MIPOL1: variants seen among roughly 807,000 people sequenced by gnomAD.
MIPOL1 encodes the protein mirror-image polydactyly 1.
Under a neutral mutation model 60.9 loss-of-function variants are expected in MIPOL1, and 57 were observed. That is an observed-to-expected ratio of 0.94 (90% confidence interval 0.76 to 1.17). The LOEUF (loss-of-function observed/expected upper bound fraction) is 1.17, where lower values mean the gene tolerates loss of function less well. MIPOL1 is among the 50% of genes most tolerant of loss of function. The probability of loss-of-function intolerance (pLI) is 0.00; values close to 1 mark genes in which losing one functional copy is unlikely to be tolerated. For synonymous variants in MIPOL1, 179 were observed against 168.8 expected, an observed-to-expected ratio of 1.06 and a Z score of -0.47; for missense variants, 551 against 511.6, an observed-to-expected ratio of 1.08 and a Z score of -0.74.
At chr14:37,388,866 T>G (rs1349950751) in intron 10 of MIPOL1, among the ~76,000 whole-genome samples, 2 of 152,084 alleles carry the variant, frequency 1.3e-5, no homozygotes, top group Non-Finnish European at 2.9e-5. Context: ...CCCCAAAACT[T>G]TTGTTCTGTA....
At chr14:37,345,160 C>T (rs985864334) in intron 9 of MIPOL1, among the ~76,000 whole-genome samples, 3 of 152,072 alleles carry the variant, frequency 2.0e-5, no homozygotes, top group Non-Finnish European at 4.4e-5. Flanking sequence ...TACAGTCATA[C>T]AGACTGGAGT....
chr14:37,253,659 C>T (rs530544198), intron 3 of MIPOL1, among the ~76,000 whole-genome samples: 1 of 151,594 alleles, frequency 6.6e-6, no homozygotes, highest in Non-Finnish European at 1.5e-5. Flanking sequence ...ATTATGAATC[C>T]TTAATAACAG....
In MIPOL1 at chr14:37,250,031, C is replaced by G. The variant is rs1041983512; in HGVS notation, c.19+2124C>G. ...ATCAGGAAGGATGTCAAGGAAGGAGCTGATGAAGCTCTGGGATACTTATGA... is the reference window on the plus strand; with the variant it reads ...ATCAGGAAGGATGTCAAGGAAGGAGGTGATGAAGCTCTGGGATACTTATGA... On this transcript the variant is annotated intron_variant, in intron 3 of 12. Coordinates refer to ENST00000684589, the MANE Select transcript of MIPOL1 (RefSeq NM_001388067.1). 5.9e-5 allele frequency among the ~76,000 whole-genome samples: 9 copies of G among 152,160 alleles called. No individual in the cohort carries two copies. The East Asian group carries it at 1.7e-3, about 29-fold the overall frequency.
intron 11 of MIPOL1, among the ~76,000 whole-genome samples, chr14:37,481,774 A>G (rs1423011396): frequency 1.3e-5 from 2 of 152,176 alleles, no homozygotes; most frequent in Non-Finnish European, 2.9e-5. Flanking sequence ...GAGCCCAGAA[A>G]TGAACGCTCA....
At chr14:37,417,403 CAGAG>C (rs2093789890) in intron 10 of MIPOL1, among the ~76,000 whole-genome samples, 1 of 152,146 alleles carries the variant, frequency 6.6e-6, no homozygotes, top group Admixed American at 6.5e-5. Flanking sequence ...GTCTGATAAA[CAGAG>C]AGACATGACA....
rs544383835 is a variant in MIPOL1 at position 37,250,276 on chromosome 14, G to A, written c.19+2369G>A. 3.3e-5 allele frequency among the ~76,000 whole-genome samples: 5 copies of A among 152,208 alleles called. No individual in the cohort carries two copies. In the East Asian group the frequency reaches 7.7e-4, roughly 24 times the overall value. On this transcript the variant is annotated intron_variant, in intron 3 of 12. Transcript: ENST00000684589. ...CATTATTAGGAAAAAGGTCAGATGC[G>A]GTGGCTTATGCCTGTAATCCCAGCA...
At chr14:37,426,594 T>TATATATATATACACAC (rs1447990257) in intron 11 of MIPOL1, among the ~76,000 whole-genome samples, 1 of 125,434 alleles carries the variant, frequency 8.0e-6, no homozygotes, top group African/African-American at 3.0e-5. Flanking sequence ...TATATATATA[T>TATATATATATACACAC]ACACACACAC....
At chr14:37,443,762 A>AAG (rs1332914951) in intron 11 of MIPOL1, among the ~76,000 whole-genome samples, 1 of 144,062 alleles carries the variant, frequency 6.9e-6, no homozygotes, top group East Asian at 2.2e-4. Context: ...AAAAAAAAAA[A>AAG]AAAACCTCTA....
intron 1 of MIPOL1, among the ~76,000 whole-genome samples, chr14:37,208,048 G>A (rs2139235594): frequency 6.6e-6 from 1 of 152,194 alleles, no homozygotes; most frequent in South Asian, 2.1e-4. Context: ...CCTTAGATCT[G>A]CTTTAGGCTG....
intron 11 of MIPOL1, among the ~76,000 whole-genome samples, chr14:37,497,279 A>G (rs923022182): frequency 2.0e-5 from 3 of 152,084 alleles, no homozygotes; most frequent in Admixed American, 1.3e-4. Flanking sequence ...GCAACAAAAG[A>G]CAAAATTGAC....
chr14:37,436,204 C>T (rs1314459715), intron 11 of MIPOL1, among the ~76,000 whole-genome samples: 1 of 152,132 alleles, frequency 6.6e-6, no homozygotes, highest in Non-Finnish European at 1.5e-5. Context: ...ACCTGACATT[C>T]TTCTTCCACT....
chr14:37,328,756 A>G (rs1375822402), intron 9 of MIPOL1, among the ~76,000 whole-genome samples: 1 of 152,170 alleles, frequency 6.6e-6, no homozygotes, highest in Non-Finnish European at 1.5e-5. Context: ...TATTTAATGA[A>G]GTATTAGTGG....
At chr14:37,257,354 A>T (rs1420915913) in intron 3 of MIPOL1, among the ~76,000 whole-genome samples, 28 of 152,014 alleles carry the variant, frequency 1.8e-4, no homozygotes. Flanking sequence ...TACTGCTTAA[A>T]CACTTTGAGG....
intron 9 of MIPOL1, among the ~76,000 whole-genome samples, chr14:37,323,694 T>C (rs932505172): frequency 6.6e-6 from 1 of 152,102 alleles, no homozygotes; most frequent in African/African-American, 2.4e-5. Context: ...TACACCCATG[T>C]AACCACATCC....
chr14:37,203,513 C>G (rs982767450), intron 1 of MIPOL1, among the ~76,000 whole-genome samples: 1 of 152,198 alleles, frequency 6.6e-6, no homozygotes, highest in African/African-American at 2.4e-5. Flanking sequence ...TTGGTATTCA[C>G]TCTTGTGTAG....
At chr14:37,253,145 A>G (rs1974373972) in intron 3 of MIPOL1, among the ~76,000 whole-genome samples, 1 of 151,798 alleles carries the variant, frequency 6.6e-6, no homozygotes, top group Non-Finnish European at 1.5e-5. Context: ...GTTTTAGCTT[A>G]TTGCCTATAT....
chr14:37,500,072 C>T lies in MIPOL1; in HGVS notation c.1196C>T (p.Ala399Val). 6.2e-7 allele frequency: 1 copy of T among 1,613,752 alleles called. No individual in the cohort carries two copies. The highest frequency in any genetic ancestry group is 8.5e-7 in the Non-Finnish European group (1 of 1,179,834). ...TQLQQALTER[A>V]NMELQLQHAR... ...CTGCAACAAGCTCTGACAGAGCGAGCAAATATGGAATTACAACTTCAACAT... is the reference window on the plus strand; with the variant it reads ...CTGCAACAAGCTCTGACAGAGCGAGTAAATATGGAATTACAACTTCAACAT... Residue 399 changes from alanine to valine, a missense_variant, in exon 12 of 13, where the codon GCA becomes GTA. Ala to Val is a moderately conservative substitution (Grantham distance 64). Coordinates refer to ENST00000684589, the MANE Select transcript of MIPOL1 (RefSeq NM_001388067.1).
intron 10 of MIPOL1, among the ~76,000 whole-genome samples, chr14:37,395,492 T>A (rs2093354513): frequency 6.6e-6 from 1 of 152,120 alleles, no homozygotes. Context: ...TTCCTAAATA[T>A]TTTATTTATT....
intron 9 of MIPOL1, among the ~76,000 whole-genome samples, chr14:37,323,262 G>A (rs992972375): frequency 6.6e-6 from 1 of 151,930 alleles, no homozygotes; most frequent in African/African-American, 2.4e-5. Flanking sequence ...TTTTTGTCAG[G>A]TTTGTCAAAG....
Sources: gnomAD v4.1 joint callset for allele counts (sites outside exome capture counted in the v4.1 genomes callset) on GRCh38, gnomAD v4.1.1 for gene constraint, MANE v1.5 for transcripts, NCBI Gene and HGNC (gene_info 2026-07-23, HGNC 2026-07-21) for gene names.